The following LRRTM4 variants were observed in gnomAD, a reference collection of about 807,000 sequenced individuals.
LRRTM4 encodes the protein leucine-rich repeat transmembrane neuronal protein 4.
In LRRTM4, 25 loss-of-function variants were observed where a neutral mutation model predicts 47.6. The ratio of observed to expected loss-of-function variants is 0.53; its 90% CI spans 0.38 to 0.73. The LOEUF is 0.73. Among genes scored for constraint, LRRTM4 ranks in the 30% least tolerant of loss-of-function variants. The probability of loss-of-function intolerance (pLI) is 0.00; values close to 1 mark genes in which losing one functional copy is unlikely to be tolerated. For missense variants in LRRTM4, 638 were observed against 713.4 expected (o/e 0.89, Z 1.20); for synonymous variants, 311 against 269.5 (o/e 1.15, Z -1.51).
At chr2:77,164,455 A>G (rs1396785653) in intron 3 of LRRTM4, among the ~76,000 whole-genome samples, 10 of 152,196 alleles carry the variant, frequency 6.6e-5, no homozygotes, top group Admixed American at 4.6e-4. Flanking sequence ...TGCACCAAGC[A>G]GACCTAATAG....
At chr2:76,795,791 A>G (rs1438631166) in intron 3 of LRRTM4, among the ~76,000 whole-genome samples, 1 of 152,070 alleles carries the variant, frequency 6.6e-6, no homozygotes, top group African/African-American at 2.4e-5. Context: ...GCACTATCAG[A>G]AAAGAAAAGT....
At chr2:77,398,813 G>A (rs945548002) in intron 3 of LRRTM4, among the ~76,000 whole-genome samples, 6 of 151,698 alleles carry the variant, frequency 4.0e-5, no homozygotes, top group African/African-American at 1.5e-4. Context: ...TTGCAGTTCT[G>A]AGCTAAGGAA....
At chr2:77,161,615 C>A (rs2103809957) in intron 3 of LRRTM4, among the ~76,000 whole-genome samples, 1 of 151,886 alleles carries the variant, frequency 6.6e-6, no homozygotes, top group African/African-American at 2.4e-5. Context: ...AAATTGTTGC[C>A]AATCTCCAAA....
At chr2:77,029,075 T>G (rs115149517) in intron 3 of LRRTM4, among the ~76,000 whole-genome samples, 1 of 145,724 alleles carries the variant, frequency 6.9e-6, no homozygotes, top group Non-Finnish European at 1.5e-5. Flanking sequence ...ATATATAATA[T>G]ATATATATTA....
chr2:76,873,187 G>C (rs1260398293), intron 3 of LRRTM4, among the ~76,000 whole-genome samples: 2 of 151,950 alleles, frequency 1.3e-5, no homozygotes, highest in African/African-American at 2.4e-5. Flanking sequence ...TGCTGATGTT[G>C]ACAATAGAAA....
chr2:77,458,282 G>C (rs1163326539), intron 3 of LRRTM4, among the ~76,000 whole-genome samples: 1 of 152,142 alleles, frequency 6.6e-6, no homozygotes, highest in Non-Finnish European at 1.5e-5. Flanking sequence ...CCAGCATGGA[G>C]TAACAAGGGA....
chr2:76,953,674 C>T (rs559294566), intron 3 of LRRTM4, among the ~76,000 whole-genome samples: 1 of 151,924 alleles, frequency 6.6e-6, no homozygotes, highest in Non-Finnish European at 1.5e-5. Context: ...ACACATCATA[C>T]CACACAGAAA....
chr2:76,886,010 T>C (rs191290284), intron 3 of LRRTM4, among the ~76,000 whole-genome samples: 84 of 152,178 alleles, frequency 5.5e-4, no homozygotes, highest in African/African-American at 2.0e-3. Context: ...CTATAAGAAA[T>C]ATAACTCATT....
At chr2:77,023,608 C>G (rs1270682318) in intron 3 of LRRTM4, among the ~76,000 whole-genome samples, 2 of 152,180 alleles carry the variant, frequency 1.3e-5, no homozygotes, top group East Asian at 3.9e-4. Flanking sequence ...CTCAAAGTTC[C>G]ACAAATCTCT....
At chr2:76,798,436 G>A (rs200900075) in intron 3 of LRRTM4, among the ~76,000 whole-genome samples, 2 of 151,084 alleles carry the variant, frequency 1.3e-5, no homozygotes, top group East Asian at 3.9e-4. Context: ...GAATCTCTGG[G>A]ACGCATTCAA....
intron 3 of LRRTM4, among the ~76,000 whole-genome samples, chr2:77,039,629 A>G (rs78827504): frequency 0.027 from 4,055 of 151,362 alleles, 98 homozygotes; most frequent in African/African-American, 0.063. Flanking sequence ...TGAAAAAAGT[A>G]TAATTTTTAT....
chr2:77,352,535 T>C (rs567760832), intron 3 of LRRTM4, among the ~76,000 whole-genome samples: 83 of 152,290 alleles, frequency 5.5e-4, no homozygotes, highest in South Asian at 1.2e-3. Context: ...GACATAGTTG[T>C]AATCAGAAGT....
chr2:77,143,456 T>C (rs969559845), intron 3 of LRRTM4, among the ~76,000 whole-genome samples: 7 of 152,216 alleles, frequency 4.6e-5, no homozygotes, highest in African/African-American at 1.7e-4. Flanking sequence ...TGCTCCACTT[T>C]ACTTTCTTTC....
At chr2:76,916,255 G>A (rs1241251694) in intron 3 of LRRTM4, among the ~76,000 whole-genome samples, 1 of 151,406 alleles carries the variant, frequency 6.6e-6, no homozygotes, top group Admixed American at 6.6e-5. Flanking sequence ...CGTGTTGGCG[G>A]GCGCCTGTAG....
At chr2:77,190,584 A>G (rs2010892) in intron 3 of LRRTM4, among the ~76,000 whole-genome samples, 104,859 of 151,290 alleles carry the variant, frequency 0.69, 36,985 homozygotes, top group African/African-American at 0.85. Flanking sequence ...ACAGACGTGC[A>G]CCACCGCACC....
intron 3 of LRRTM4, among the ~76,000 whole-genome samples, chr2:77,074,660 G>T (rs1456870026): frequency 6.6e-6 from 1 of 152,080 alleles, no homozygotes; most frequent in Admixed American, 6.5e-5. Flanking sequence ...AGAAAAAGAA[G>T]TACTGATTTT....
chr2:77,306,373 A>G (rs1266022874), intron 3 of LRRTM4, among the ~76,000 whole-genome samples: 5 of 152,184 alleles, frequency 3.3e-5, no homozygotes, highest in African/African-American at 1.2e-4. Context: ...ACCTCCTTGC[A>G]ATAGCTCTAC....
intron 3 of LRRTM4, among the ~76,000 whole-genome samples, chr2:77,367,565 T>C (rs1458691937): frequency 1.3e-5 from 2 of 151,870 alleles, no homozygotes; most frequent in East Asian, 1.9e-4. Flanking sequence ...GACAATTCCC[T>C]TTACTCTTGG....
intron 3 of LRRTM4, among the ~76,000 whole-genome samples, chr2:76,966,972 A>G (rs992701980): frequency 4.0e-5 from 6 of 151,386 alleles, no homozygotes; most frequent in Non-Finnish European, 5.9e-5. Flanking sequence ...TTCTTGTATA[A>G]TAGTATTACT....
Sources: allele counts gnomAD v4.1 joint callset (sites outside exome capture counted in the v4.1 genomes callset), GRCh38; gene constraint gnomAD v4.1.1; transcripts MANE v1.5; gene names NCBI Gene and HGNC (gene_info 2026-07-23, HGNC 2026-07-21).